TPGS2: variants seen among roughly 807,000 people sequenced by gnomAD.
The protein encoded by TPGS2 is polyglutamylase subunit 2.
Under a neutral mutation model 31.1 loss-of-function variants are expected in TPGS2, and 26 were observed. That is an observed-to-expected ratio of 0.84 (90% CI 0.61 to 1.16). The LOEUF (loss-of-function observed/expected upper bound fraction) is 1.16. Ranked by LOEUF, TPGS2 falls within the 50% of genes most tolerant of loss-of-function variation. The probability of loss-of-function intolerance (pLI) is 0.00; values close to 1 mark genes in which losing one functional copy is unlikely to be tolerated. For missense variants in TPGS2, 351 were observed against 363.8 expected (o/e 0.96, Z 0.29); for synonymous variants, 130 against 136.6 (o/e 0.95, Z 0.34).
chr18:36,792,669 C>T (rs907912779), downstream of TPGS2, among the ~76,000 whole-genome samples: 2 of 152,116 alleles, frequency 1.3e-5, no homozygotes, highest in South Asian at 2.1e-4. Flanking sequence ...TTTAGTATGT[C>T]TGGAGGGGGA....
Position 36,828,797 on chromosome 18 carries a change from G to A in TPGS2, c.-30C>T, listed in dbSNP as rs969733140. On this transcript the variant is annotated 5_prime_UTR_variant, in exon 1 of 7. Coordinates refer to ENST00000334295, the MANE Select transcript of TPGS2 (RefSeq NM_015476.4). ...CGCGACCGCGATTCGCGCGCGGCGG[G>A]AGCGGGTGGAGGGCCGGACCCCGCC... 1.9e-6 allele frequency: 3 copies of A among 1,609,886 alleles called. No individual in the cohort carries two copies. The highest frequency in any genetic ancestry group is 2.5e-6 in the Non-Finnish European group (3 of 1,178,408).
intron 3 of TPGS2, among the ~76,000 whole-genome samples, chr18:36,806,850 TAAAAAAAAAAAAA>T (rs397962723): frequency 4.3e-4 from 16 of 37,332 alleles, no homozygotes; most frequent in Non-Finnish European, 3.8e-4. Flanking sequence ...GACTCCATCT[TAAAAAAAAAAAAA>T]AAAAAAAAAA....
At chr18:36,823,650 C>T (rs2046003900) in intron 1 of TPGS2, among the ~76,000 whole-genome samples, 1 of 150,892 alleles carries the variant, frequency 6.6e-6, no homozygotes, top group Admixed American at 6.6e-5. Context: ...TTAGTAGAGA[C>T]GGGGCTTCAC....
At chr18:36,813,026 T>G (rs1483686608) in intron 2 of TPGS2, among the ~76,000 whole-genome samples, 1 of 152,238 alleles carries the variant, frequency 6.6e-6, no homozygotes. Flanking sequence ...ATTACAGAGA[T>G]AACGGCTTAA....
chr18:36,827,726 C>G (rs1003950588), intron 1 of TPGS2, among the ~76,000 whole-genome samples: 2 of 152,208 alleles, frequency 1.3e-5, no homozygotes, highest in Non-Finnish European at 2.9e-5. Context: ...AATCTAGCAT[C>G]ATCTCCTCTG....
intron 2 of TPGS2, among the ~76,000 whole-genome samples, chr18:36,817,121 T>C (rs951438624): frequency 6.6e-6 from 1 of 152,202 alleles, no homozygotes. Context: ...TCTTTTCCTA[T>C]GATGGGCTAT....
At position 36,823,460 on chromosome 18, in the gene TPGS2, G is replaced by GTTTTTTTTTTTTTTT. The variant is rs919277214; in HGVS notation, c.86-4502_86-4488dup. ...TCTCTGACTTCCTTGTTAACAGCTT[G>GTTTTTTTTTTTTTTT]TTTTTTTTTTTTTTTTTTGAGACGG... On this transcript the variant is annotated intron_variant, in intron 1 of 6. Transcript: ENST00000334295. 9.7e-3 allele frequency among the ~76,000 whole-genome samples: 1,051 copies of GTTTTTTTTTTTTTTT among 107,976 alleles called. 77 individuals carry two copies. Among genetic ancestry groups the GTTTTTTTTTTTTTTT allele is most frequent in the Non-Finnish European group, 0.014 (771 of 54,538 alleles). The allele number at this position is 107,976 out of a possible 152,430, so 70.8% of individuals were successfully genotyped here.
In TPGS2 at chr18:36,798,175, T is replaced by C. The variant is rs1047096937; in HGVS notation, c.657+274A>G. 1.5e-5 allele frequency: 19 copies of C among 1,260,328 alleles called. No homozygotes were observed. In the African/African-American group the frequency reaches 2.9e-4, roughly 19 times the overall value. The allele number at this position is 1,260,328 out of a possible 1,614,324, so 78.1% of individuals were successfully genotyped here. ...GCATGTACTGCCAACCCAGAACAAGTCATGGGACATAAACTATCCAACAGA... is the reference window on the plus strand; with the variant it reads ...GCATGTACTGCCAACCCAGAACAAGCCATGGGACATAAACTATCCAACAGA... On this transcript the variant is annotated intron_variant, in intron 6 of 6. Coordinates refer to ENST00000334295, the MANE Select transcript of TPGS2 (RefSeq NM_015476.4).
chr18:36,823,457 CT>C (rs1193182256), intron 1 of TPGS2, among the ~76,000 whole-genome samples: 2 of 107,084 alleles, frequency 1.9e-5, no homozygotes, highest in Non-Finnish European at 3.6e-5. Context: ...TTGTTAACAG[CT>C]TGTTTTTTTT....
In TPGS2 at chr18:36,795,730, T is replaced by C; in HGVS notation, c.*1075A>G. The C allele has an allele frequency of 2.0e-6, 2 of 985,406 alleles. No homozygotes were observed. The highest frequency in any genetic ancestry group is 2.4e-6 in the Non-Finnish European group (2 of 829,924). The allele number at this position is 985,406 out of a possible 1,614,324, so 61.0% of individuals were successfully genotyped here. A position where few individuals can be genotyped will look rare whatever the true frequency, so the allele number is the denominator to read the frequency against. ...AAATGATTTCTGAATTACAGGCAAC[T>C]TGCTTCCAAAGGAACTCTTGGAAGC... On this transcript the variant is annotated 3_prime_UTR_variant, in exon 7 of 7. Coordinates refer to ENST00000334295, the MANE Select transcript of TPGS2 (RefSeq NM_015476.4).
Position 36,796,137 on chromosome 18 carries a change from G to C in TPGS2, c.*668C>G. The C allele has an allele frequency of 1.0e-6, 1 of 985,420 alleles. No homozygotes were observed. The highest frequency in any genetic ancestry group is 1.2e-6 in the Non-Finnish European group (1 of 829,940). The allele number at this position is 985,420 out of a possible 1,614,324, so 61.0% of individuals were successfully genotyped here. ...GAGCAGAGCGAGATATTTGTGGTAA[G>C]GGATACAAAGAACATACAATTGTGT... On this transcript the variant is annotated 3_prime_UTR_variant, in exon 7 of 7. Coordinates refer to ENST00000334295, the MANE Select transcript of TPGS2 (RefSeq NM_015476.4).
chr18:36,821,591 T>C (rs1045325926), intron 1 of TPGS2, among the ~76,000 whole-genome samples: 16 of 152,228 alleles, frequency 1.1e-4, no homozygotes, highest in African/African-American at 3.4e-4. Context: ...TAGGAGACAC[T>C]GTTTCAAGAA....
chr18:36,781,525 C>A (rs1430260782), downstream of TPGS2, among the ~76,000 whole-genome samples: 3 of 152,016 alleles, frequency 2.0e-5, no homozygotes, highest in African/African-American at 7.2e-5. Context: ...GGTGGCACAT[C>A]CCTGTAATCC....
At chr18:36,801,524 G>T (rs922425896) in intron 4 of TPGS2, among the ~76,000 whole-genome samples, 5 of 152,046 alleles carry the variant, frequency 3.3e-5, no homozygotes, top group African/African-American at 9.7e-5. Context: ...TGTAGAGATG[G>T]AGTTTCGCTA....
chr18:36,795,762 T>G lies in TPGS2; in HGVS notation c.*1043A>C. The G allele has an allele frequency of 3.0e-6, 3 of 985,410 alleles. No individual in the cohort carries two copies. The highest frequency in any genetic ancestry group is 3.6e-6 in the Non-Finnish European group (3 of 829,914). The allele number at this position is 985,410 out of a possible 1,614,324, so 61.0% of individuals were successfully genotyped here. ...CAAAGGAACTCTTGGAAGCCCACCC[T>G]GTTCTAAGCAGGAGACTGCTTGTCC... On this transcript the variant is annotated 3_prime_UTR_variant, in exon 7 of 7. Transcript: ENST00000334295.
intron 6 of TPGS2, 63 bp from the exon 7 acceptor site, chr18:36,797,113 T>G: frequency 6.3e-7 from 1 of 1,581,128 alleles, no homozygotes; most frequent in Non-Finnish European, 8.5e-7. Context: ...CTGTGTGCTC[T>G]TTTTGTGGGA....
intron 6 of TPGS2, 129 bp downstream of exon 6, chr18:36,798,320 T>C (rs1383300757): frequency 3.3e-6 from 5 of 1,517,396 alleles, no homozygotes; most frequent in African/African-American, 2.8e-5. Flanking sequence ...TTATTGAAAA[T>C]GCAGGTTCCT....
At chr18:36,821,858 G>C (rs2045908974) in intron 1 of TPGS2, among the ~76,000 whole-genome samples, 1 of 152,202 alleles carries the variant, frequency 6.6e-6, no homozygotes, top group African/African-American at 2.4e-5. Context: ...CCGCTGGCGT[G>C]CTTTCCTTTA....
chr18:36,817,478 C>T (rs2045709256), intron 2 of TPGS2: 1 of 150,634 alleles, frequency 6.6e-6, no homozygotes, highest in Non-Finnish European at 1.5e-5. Context: ...CCCTGTTGCT[C>T]AGGCTAGAGT....
Sources: gnomAD v4.1 joint callset for allele counts (sites outside exome capture counted in the v4.1 genomes callset) on GRCh38, gnomAD v4.1.1 for gene constraint, MANE v1.5 for transcripts, NCBI Gene and HGNC (gene_info 2026-07-23, HGNC 2026-07-21) for gene names.